EML4: variants seen among roughly 807,000 people sequenced by gnomAD.
The protein encoded by EML4 is echinoderm microtubule-associated protein-like 4.
Under a neutral mutation model 129.0 loss-of-function variants are expected in EML4, and 72 were observed. That is an observed-to-expected ratio of 0.56 (90% CI 0.46 to 0.68). The LOEUF (loss-of-function observed/expected upper bound fraction) is 0.68, where lower values mean the gene tolerates loss of function less well. EML4 is among the 30% of genes least tolerant of loss of function. The pLI is 0.00. For missense variants in EML4, 1,363 were observed against 1,190.6 expected, an observed-to-expected ratio of 1.14 and a Z score of -2.13; for synonymous variants, 532 against 405.0, an observed-to-expected ratio of 1.31 and a Z score of -3.77.
chr2:42,325,996 A>G (rs997738120), intron 20 of EML4, 158 bp from the exon 21 acceptor site: 3 of 714,126 alleles, frequency 4.2e-6, no homozygotes, highest in Non-Finnish European at 5.2e-6. Flanking sequence ...AAACCCTGTT[A>G]AAGTGAACAC....
At position 42,295,271 on chromosome 2, in the gene EML4, ATTG is replaced by A. The variant is rs1667878221; in HGVS notation, c.1353+15_1353+17del. 3 of 1,612,446 alleles carry A rather than the reference ATTG, an allele frequency of 1.9e-6. No individual in the cohort carries two copies. The Admixed American group carries it at 5.0e-5, about 27-fold the overall frequency. The stretch of plus-strand genomic sequence containing the variant: ...AGGGAATTTTTGGGGTAAGAATCAG[ATTG>A]TTTTAATGTCATTAGGTGTATAAGA... On this transcript the variant is annotated intron_variant, in intron 12 of 22. Transcript: ENST00000318522.
At chr2:42,170,788 A>G (rs1014661677) in intron 1 of EML4, among the ~76,000 whole-genome samples, 1 of 152,194 alleles carries the variant, frequency 6.6e-6, no homozygotes, top group African/African-American at 2.4e-5. Flanking sequence ...ACATTTCTTG[A>G]TAATAAGTCT....
chr2:42,248,695 T>C (rs1675571300), intron 2 of EML4, among the ~76,000 whole-genome samples: 1 of 152,170 alleles, frequency 6.6e-6, no homozygotes, highest in African/African-American at 2.4e-5. Flanking sequence ...AGATTTTTTT[T>C]CCAATTGATT....
At chr2:42,247,347 G>T (rs1675477067) in intron 2 of EML4, among the ~76,000 whole-genome samples, 1 of 152,162 alleles carries the variant, frequency 6.6e-6, no homozygotes. Context: ...TTAAAGCGGA[G>T]AATGGAAGAC....
chr2:42,238,627 A>AT (rs11312243), intron 1 of EML4, among the ~76,000 whole-genome samples: 4 of 151,530 alleles, frequency 2.6e-5, no homozygotes, highest in Non-Finnish European at 5.9e-5. Context: ...TTTATTTTTT[A>AT]TTTTTTTGGC....
At chr2:42,306,359 A>G (rs1289475207) in intron 17 of EML4, among the ~76,000 whole-genome samples, 3 of 152,164 alleles carry the variant, frequency 2.0e-5, no homozygotes, top group African/African-American at 7.2e-5. Flanking sequence ...TCAGAAAACC[A>G]CAAAGGAATT....
chr2:42,216,728 A>G (rs568993402), intron 1 of EML4, among the ~76,000 whole-genome samples: 56 of 152,300 alleles, frequency 3.7e-4, no homozygotes, highest in African/African-American at 1.2e-3. Context: ...AGTGCTTGCT[A>G]TTTCACTGAA....
chr2:42,285,020 A>G (rs1198161825), intron 9 of EML4, among the ~76,000 whole-genome samples: 1 of 152,122 alleles, frequency 6.6e-6, no homozygotes, highest in Non-Finnish European at 1.5e-5. Flanking sequence ...GCGGGAAGGT[A>G]CTGCAGTTTC....
chr2:42,214,786 C>G (rs1238954490), intron 1 of EML4, among the ~76,000 whole-genome samples: 6 of 152,292 alleles, frequency 3.9e-5, no homozygotes, highest in African/African-American at 1.4e-4. Flanking sequence ...TCTGTGGCCT[C>G]TGGTATGGTG....
intron 1 of EML4, among the ~76,000 whole-genome samples, chr2:42,217,964 G>A (rs1673305243): frequency 6.6e-6 from 1 of 152,294 alleles, no homozygotes; most frequent in Non-Finnish European, 1.5e-5. Flanking sequence ...GTCTCAGTCA[G>A]ATATGGGGTG....
In EML4 at chr2:42,169,533, T is replaced by A; in HGVS notation, c.-79T>A. The A allele has an allele frequency of 3.3e-6, 5 of 1,523,534 alleles. No individual in the cohort carries two copies. The highest frequency in any genetic ancestry group is 4.4e-6 in the Non-Finnish European group (5 of 1,133,758). The allele number at this position is 1,523,534 out of a possible 1,614,324, so 94.4% of individuals were successfully genotyped here. ...GACCTAGAGAACGAGCGGGTCAGGCTCAGCGTCGGCCACTCTGTCGGTCCG... is the reference window on the plus strand; with the variant it reads ...GACCTAGAGAACGAGCGGGTCAGGCACAGCGTCGGCCACTCTGTCGGTCCG... On this transcript the variant is annotated 5_prime_UTR_variant, in exon 1 of 23. Coordinates refer to ENST00000318522, the MANE Select transcript of EML4 (RefSeq NM_019063.5).
chr2:42,180,499 C>G (rs1454739926), intron 1 of EML4, among the ~76,000 whole-genome samples: 1 of 152,174 alleles, frequency 6.6e-6, no homozygotes, highest in Non-Finnish European at 1.5e-5. Context: ...GCCCTCAGTC[C>G]CTACCTTACA....
chr2:42,327,124 T>G (rs2103840436), intron 21 of EML4, among the ~76,000 whole-genome samples: 1 of 152,338 alleles, frequency 6.6e-6, no homozygotes. Flanking sequence ...CTAGCTTCTG[T>G]GATTTAGCAT....
rs1380297124 is a variant in EML4, at chr2:42,330,666, C to G, written c.*459C>G. The G allele has an allele frequency of 7.7e-6, 2 of 259,884 alleles. No individual in the cohort carries two copies. The highest frequency in any genetic ancestry group is 4.6e-5 in the African/African-American group (2 of 43,672). 16.1% of individuals were successfully genotyped at this position (259,884 alleles called of 1,614,324 possible). A position where few individuals can be genotyped will look rare whatever the true frequency, so the allele number is the denominator to read the frequency against. On this transcript the variant is annotated 3_prime_UTR_variant, in exon 23 of 23. Coordinates refer to ENST00000318522, the MANE Select transcript of EML4 (RefSeq NM_019063.5). ...AAAAGAAACCAGAAAAAAATGTACT[C>G]TTACTGAGATACCCTCTCACCCCAA...
chr2:42,292,507 T>C (rs1017998236), intron 11 of EML4, among the ~76,000 whole-genome samples: 4 of 152,110 alleles, frequency 2.6e-5, no homozygotes, highest in Admixed American at 2.6e-4. Context: ...GTTGACAAAA[T>C]AACCCAGACA....
At chr2:42,318,997 C>T (rs1572752024) in intron 19 of EML4, among the ~76,000 whole-genome samples, 1 of 152,202 alleles carries the variant, frequency 6.6e-6, no homozygotes, top group African/African-American at 2.4e-5. Context: ...AGCCACTGCA[C>T]CTGTCCGGTT....
At chr2:42,216,770 A>G (rs1320514953) in intron 1 of EML4, among the ~76,000 whole-genome samples, 8 of 152,234 alleles carry the variant, frequency 5.3e-5, no homozygotes, top group African/African-American at 9.6e-5. Context: ...CCATGCCACA[A>G]CAATTGAGTT....
rs750151685 is a variant in EML4, at chr2:42,325,596, TTATATTTATATA to T, written c.2242+48_2242+59del. 993 of 150,882 alleles carry T rather than the reference TTATATTTATATA, an allele frequency of 6.6e-3. 58 individuals carry two copies. The highest frequency in any genetic ancestry group is 7.6e-3 in the Non-Finnish European group (608 of 79,898). The allele number at this position is 150,882 out of a possible 1,614,324, so 9.3% of individuals were successfully genotyped here. ...TTATATATATATATATATGCTATGA[TTATATTTATATA>T]TATATATATATATATATATATATAT... On this transcript the variant is annotated intron_variant, in intron 20 of 22. Transcript: ENST00000318522.
At chr2:42,192,930 A>G (rs906946459) in intron 1 of EML4, among the ~76,000 whole-genome samples, 2 of 152,186 alleles carry the variant, frequency 1.3e-5, no homozygotes, top group African/African-American at 4.8e-5. Flanking sequence ...GAAACTCAAC[A>G]GTCATGAAAC....
Sources: allele counts gnomAD v4.1 joint callset (sites outside exome capture counted in the v4.1 genomes callset), GRCh38; gene constraint gnomAD v4.1.1; transcripts MANE v1.5; gene names NCBI Gene and HGNC (gene_info 2026-07-23, HGNC 2026-07-21).